Variants in DTL observed in about 807,000 individuals in gnomAD.
The protein encoded by DTL is denticleless protein homolog.
DTL carries 46 observed loss-of-function variants against 87.0 expected under a neutral mutation model. The observed-to-expected ratio is 0.53, with a 90% CI of 0.42 to 0.68. DTL has a LOEUF of 0.68. Ranked by LOEUF, DTL falls within the 30% of genes least tolerant of loss-of-function variation. The pLI is 0.00. For synonymous variants in DTL, 308 were observed against 311.2 expected (o/e 0.99, Z 0.11); for missense variants, 737 against 869.4 (o/e 0.85, Z 1.91).
In DTL at chr1:212,104,606, A is replaced by G. The variant is rs1024644786; in HGVS notation, c.*1666A>G. The G allele has an allele frequency of 6.6e-6, 1 of 152,060 alleles. No homozygotes were observed. The highest frequency in any genetic ancestry group is 1.5e-5 in the Non-Finnish European group (1 of 67,992). 9.4% of individuals were successfully genotyped at this position (152,060 alleles called of 1,614,324 possible). A position where few individuals can be genotyped will look rare whatever the true frequency, so the allele number is the denominator to read the frequency against. ...GAAAAAAATCCATGAAAAAAAAAAG[A>G]TTGATAAAGTAGATGATTTTGTTTG... On this transcript the variant is annotated 3_prime_UTR_variant, in exon 15 of 15. Coordinates refer to ENST00000366991, the MANE Select transcript of DTL (RefSeq NM_016448.4).
chr1:212,078,279 CTA>C lies in DTL; in HGVS notation c.1125+20_1125+21del, dbSNP rs1445672621. 2 of 1,475,368 alleles carry C rather than the reference CTA, an allele frequency of 1.4e-6. No individual in the cohort carries two copies. Among genetic ancestry groups the C allele is most frequent in the East Asian group, 4.5e-5 (2 of 44,106 alleles). The allele number at this position is 1,475,368 out of a possible 1,614,324, so 91.4% of individuals were successfully genotyped here. On this transcript the variant is annotated intron_variant, in intron 12 of 14. Coordinates refer to ENST00000366991, the MANE Select transcript of DTL (RefSeq NM_016448.4). ...TTCACAAAGGTTTGTAAATGAATCT[CTA>C]TAGTTGGTTTAAAATGTAGATCACA...
At chr1:212,047,069 T>C in intron 3 of DTL, 82 bp from the exon 4 acceptor site, 1 of 1,274,008 alleles carries the variant, frequency 7.8e-7, no homozygotes. Flanking sequence ...TACTACAGCT[T>C]TCCAGGCATT....
At chr1:212,063,344 A>C (rs1188975163) in intron 6 of DTL, among the ~76,000 whole-genome samples, 2 of 148,940 alleles carry the variant, frequency 1.3e-5, no homozygotes. Context: ...GCTGGAGTGC[A>C]GTGGCGTGAA....
At chr1:212,060,670 A>G (rs1330499713) in intron 5 of DTL, among the ~76,000 whole-genome samples, 1 of 151,716 alleles carries the variant, frequency 6.6e-6, no homozygotes, top group Non-Finnish European at 1.5e-5. Flanking sequence ...AGGAGGCAGA[A>G]ATTGCAATGA....
At chr1:212,061,460 A>T (rs1185544207) in intron 5 of DTL, among the ~76,000 whole-genome samples, 2 of 151,148 alleles carry the variant, frequency 1.3e-5, no homozygotes, top group Non-Finnish European at 2.9e-5. Flanking sequence ...GTGGAAATGT[A>T]AATTAGTCCA....
At chr1:212,080,325 A>C (rs2102566682) in intron 12 of DTL, 1 of 222,266 alleles carries the variant, frequency 4.5e-6, no homozygotes, top group East Asian at 9.4e-5. Flanking sequence ...TTTATACAGA[A>C]GATGATAAAG....
intron 6 of DTL, among the ~76,000 whole-genome samples, chr1:212,063,659 A>G (rs999343536): frequency 6.6e-6 from 1 of 152,146 alleles, no homozygotes; most frequent in Admixed American, 6.5e-5. Context: ...TAAGCAGACG[A>G]TGATTATCTC....
At chr1:212,062,359 A>G (rs1038469014) in intron 5 of DTL, among the ~76,000 whole-genome samples, 3 of 152,086 alleles carry the variant, frequency 2.0e-5, no homozygotes, top group South Asian at 2.1e-4. Flanking sequence ...ATCCCAGGCA[A>G]CCTCTTTAAC....
At chr1:212,073,166 A>C (rs1424253259) in intron 11 of DTL, among the ~76,000 whole-genome samples, 2 of 152,208 alleles carry the variant, frequency 1.3e-5, no homozygotes, top group African/African-American at 4.8e-5. Flanking sequence ...GGAGAAAATA[A>C]AAATGTTAGA....
chr1:212,040,189 C>A (rs1158694587), intron 1 of DTL, among the ~76,000 whole-genome samples: 1 of 150,988 alleles, frequency 6.6e-6, no homozygotes, highest in Non-Finnish European at 1.5e-5. Context: ...AAATGTTTTT[C>A]TTTTCTTAAC....
At chr1:212,048,152 T>G (rs1571943031) in intron 5 of DTL, among the ~76,000 whole-genome samples, 1 of 152,266 alleles carries the variant, frequency 6.6e-6, no homozygotes, top group Non-Finnish European at 1.5e-5. Context: ...ACCTAAAAAT[T>G]TATCATGTAT....
chr1:212,084,895 C>T (rs147156546), intron 13 of DTL, among the ~76,000 whole-genome samples: 35 of 152,288 alleles, frequency 2.3e-4, no homozygotes, highest in African/African-American at 8.4e-4. Flanking sequence ...GAACCCCCAA[C>T]AGATACCAAA....
intron 7 of DTL, among the ~76,000 whole-genome samples, chr1:212,065,990 C>T (rs962086493): frequency 6.6e-6 from 1 of 152,114 alleles, no homozygotes; most frequent in Non-Finnish European, 1.5e-5. Flanking sequence ...CCACGCCTGG[C>T]CAGCTTATTT....
Position 212,044,678 on chromosome 1 carries a change from T to C in DTL, c.197T>C (p.Val66Ala), listed in dbSNP as rs1413174596. Reference sequence around the variant, plus strand: ...GCTTTAGCTCCCAATATGGAACATGTACTAGCAGTTGCCAATGAAGAAGGC... The same window carrying C: ...GCTTTAGCTCCCAATATGGAACATGCACTAGCAGTTGCCAATGAAGAAGGC... ...TFSSAPNMEH[V>A]LAVANEEGFV... The change falls in exon 3 of 15, where the codon GTA becomes GCA. Residue 66 changes from valine (V) to alanine (A), a missense_variant. By Grantham distance (64) the Val-to-Ala change is moderately conservative (BLOSUM62 0). Transcript: ENST00000366991. 6.2e-7 allele frequency: 1 copy of C among 1,610,584 alleles called. No individual in the cohort carries two copies. Among genetic ancestry groups the C allele is most frequent in the African/African-American group, 1.3e-5 (1 of 74,842 alleles).
intron 1 of DTL, among the ~76,000 whole-genome samples, chr1:212,040,315 G>T (rs1022824725): frequency 1.3e-5 from 2 of 152,138 alleles, no homozygotes; most frequent in African/African-American, 4.8e-5. Context: ...CCATTACATG[G>T]CATATGACTG....
chr1:212,077,182 A>G (rs573718057), intron 11 of DTL, among the ~76,000 whole-genome samples: 31 of 152,122 alleles, frequency 2.0e-4, no homozygotes, highest in Non-Finnish European at 2.9e-5. Flanking sequence ...TCTCAGCCCC[A>G]ACCTCCTTGC....
At chr1:212,096,097 G>A (rs1655437087) in intron 13 of DTL, among the ~76,000 whole-genome samples, 1 of 13,394 alleles carries the variant, frequency 7.5e-5, no homozygotes, top group Non-Finnish European at 2.0e-4. Context: ...TTTAATCTAG[G>A]AGGTTGTATA....
chr1:212,047,314 TCAAACAGC>T lies in DTL; in HGVS notation c.362_369del (p.Thr121IlefsTer8), dbSNP rs1158984796. ...TTTGAAAGGTTACAGCAGCAGGTGA[TCAAACAGC>T]CAAATTTTGGGACGTAAAAGCTGGT... is the stretch of plus-strand genomic sequence containing the variant. On this transcript the variant is annotated frameshift_variant, in exon 5 of 15. Transcript: ENST00000366991. LOFTEE classifies it high-confidence loss of function. 6.2e-7 allele frequency: 1 copy of T among 1,614,056 alleles called. No homozygotes were observed. Among genetic ancestry groups the T allele is most frequent in the Non-Finnish European group, 8.5e-7 (1 of 1,180,032 alleles).
chr1:212,095,928 G>A (rs1655433120), intron 13 of DTL, among the ~76,000 whole-genome samples: 1 of 152,116 alleles, frequency 6.6e-6, no homozygotes, highest in Non-Finnish European at 1.5e-5. Context: ...CTTTTGGAAT[G>A]GTTTCAGTAA....
Sources: gnomAD v4.1 joint callset for allele counts (sites outside exome capture counted in the v4.1 genomes callset) on GRCh38, gnomAD v4.1.1 for gene constraint, MANE v1.5 for transcripts, NCBI Gene and HGNC (gene_info 2026-07-23, HGNC 2026-07-21) for gene names.